FHOD3: variants seen among roughly 807,000 people sequenced by gnomAD.
FHOD3 encodes the protein formin homology 2 domain containing 3.
A neutral mutation model predicts 173.0 loss-of-function variants in FHOD3; 90 were observed. The ratio of observed to expected loss-of-function variants is 0.52; its 90% CI spans 0.44 to 0.62. FHOD3 has a LOEUF of 0.62. Among genes scored for constraint, FHOD3 ranks in the 20% least tolerant of loss-of-function variants. The pLI is 0.00. For missense variants in FHOD3, 1,945 were observed against 2,034.7 expected (o/e 0.96, Z 0.85); for synonymous variants, 828 against 823.0 (o/e 1.01, Z -0.10).
chr18:36,372,618 C>T, intron 2 of FHOD3, 62 bp from the exon 3 acceptor site: 1 of 1,415,942 alleles, frequency 7.1e-7, no homozygotes, highest in Non-Finnish European at 9.9e-7. Context: ...CGTGGATTGA[C>T]AGCATGTGAG....
At chr18:36,755,537 G>A (rs1048466651) in intron 25 of FHOD3, among the ~76,000 whole-genome samples, 2 of 151,472 alleles carry the variant, frequency 1.3e-5, no homozygotes, top group African/African-American at 4.9e-5. Context: ...CAGAACGTGT[G>A]GCTAGAAGAG....
intron 3 of FHOD3, among the ~76,000 whole-genome samples, chr18:36,409,928 A>T (rs936243704): frequency 5.3e-5 from 8 of 152,200 alleles, no homozygotes; most frequent in African/African-American, 1.9e-4. Flanking sequence ...ATGAGAGGAG[A>T]TGATCAGAAG....
intron 1 of FHOD3, among the ~76,000 whole-genome samples, chr18:36,344,915 A>G (rs2045808184): frequency 6.6e-6 from 1 of 152,236 alleles, no homozygotes; most frequent in African/African-American, 2.4e-5. Context: ...TTCAGGCAGG[A>G]AATATTACTA....
At chr18:36,614,899 G>A (rs1245742419) in intron 9 of FHOD3, among the ~76,000 whole-genome samples, 1 of 126,314 alleles carries the variant, frequency 7.9e-6, no homozygotes, top group African/African-American at 3.1e-5. Context: ...TGCCCAGACT[G>A]GAGTGCAATG....
intron 5 of FHOD3, among the ~76,000 whole-genome samples, chr18:36,562,831 A>T (rs1306271631): frequency 6.6e-6 from 1 of 152,214 alleles, no homozygotes; most frequent in African/African-American, 2.4e-5. Context: ...ACCAACACCA[A>T]TGCCAGGTCT....
At chr18:36,645,297 G>A (rs1483832361) in intron 10 of FHOD3, among the ~76,000 whole-genome samples, 1 of 152,164 alleles carries the variant, frequency 6.6e-6, no homozygotes, top group African/African-American at 2.4e-5. Flanking sequence ...GCATATGCCT[G>A]TAGTCCCAGC....
At chr18:36,569,552 A>G (rs1394440389) in intron 5 of FHOD3, among the ~76,000 whole-genome samples, 1 of 152,194 alleles carries the variant, frequency 6.6e-6, no homozygotes, top group Non-Finnish European at 1.5e-5. Context: ...CAGCAAGGCT[A>G]TGAAGGAACT....
chr18:36,595,992 A>G (rs1019000646), intron 7 of FHOD3, among the ~76,000 whole-genome samples: 1 of 152,220 alleles, frequency 6.6e-6, no homozygotes, highest in African/African-American at 2.4e-5. Context: ...AGTTTCAACA[A>G]AGATAATCAC....
rs551855631 is a variant in FHOD3, at chr18:36,732,637, A to AG, written c.3576+1833_3576+1834insG. 2.3e-3 allele frequency among the ~76,000 whole-genome samples: 357 copies of AG among 152,332 alleles called. 1 individual carries two copies. The highest frequency in any genetic ancestry group is 0.02 in the Middle Eastern group (6 of 294). ...CAGCCTATCGAAAGAGTGAGGGCAC[A>AG]CGGCAGACCGGAGCAGGGGACATGA... is the stretch of plus-strand genomic sequence containing the variant. On this transcript the variant is annotated intron_variant, in intron 20 of 28. Coordinates refer to ENST00000590592, the MANE Select transcript of FHOD3 (RefSeq NM_001281740.3).
At position 36,649,378 on chromosome 18, in the gene FHOD3, A is replaced by T. The variant is rs749298152; in HGVS notation, c.1259A>T (p.Asp420Val). Residue 420 changes from aspartate to valine, a missense_variant, in exon 11 of 29, where the codon GAT becomes GTT. Asp to Val is a radical substitution (Grantham distance 152). Around this residue, in one of 5 missense-constraint regions of FHOD3, gnomAD observed 1,099 missense variants for 1,051.2 expected, o/e 1.05. Coordinates refer to ENST00000590592, the MANE Select transcript of FHOD3 (RefSeq NM_001281740.3). ...TEPSSEEEREDDASCQGKDSK... is the reference protein window; with the variant it reads ...TEPSSEEEREVDASCQGKDSK... ...CCCAGTTCCGAAGAAGAGAGAGAGG[A>T]TGATGCTTCCTGTCAGGGCAAGGAC... is the stretch of plus-strand genomic sequence containing the variant. The T allele has an allele frequency of 3.3e-6, 5 of 1,535,556 alleles. No individual in the cohort carries two copies. The highest frequency in any genetic ancestry group is 1.4e-5 in the African/African-American group (1 of 72,968).
At chr18:36,325,303 C>T (rs950767453) in intron 1 of FHOD3, among the ~76,000 whole-genome samples, 6 of 151,872 alleles carry the variant, frequency 4.0e-5, no homozygotes, top group Admixed American at 6.6e-5. Context: ...GCTTTCTACA[C>T]GTGTTATACT....
rs35854743 is a variant in FHOD3, at chr18:36,427,286, TAAAAAAAAAAAAAA to T, written c.337+54556_337+54569del. Among the ~76,000 whole-genome samples, 24 of 79,488 alleles carry T rather than the reference TAAAAAAAAAAAAAA, an allele frequency of 3.0e-4. No individual in the cohort carries two copies. The Admixed American group carries it at 3.3e-3, about 11-fold the overall frequency. The allele number at this position is 79,488 out of a possible 152,430, so 52.1% of individuals were successfully genotyped here. ...AAAACTAGAACTGATCTTGCTTCTC[TAAAAAAAAAAAAAA>T]AAAAAAAAAAAAATCCTTCTTGGTT... is the stretch of plus-strand genomic sequence containing the variant. On this transcript the variant is annotated intron_variant, in intron 3 of 28. Transcript: ENST00000590592.
chr18:36,530,474 T>C (rs1465654109), intron 5 of FHOD3, among the ~76,000 whole-genome samples: 1 of 152,162 alleles, frequency 6.6e-6, no homozygotes, highest in Non-Finnish European at 1.5e-5. Flanking sequence ...GGACTTGTGT[T>C]TGTGAGTGAT....
At chr18:36,364,129 CT>C (rs1164181683) in intron 2 of FHOD3, among the ~76,000 whole-genome samples, 2 of 152,146 alleles carry the variant, frequency 1.3e-5, no homozygotes, top group African/African-American at 4.8e-5. Context: ...GCCCCACACC[CT>C]TGTCATATCA....
At chr18:36,405,294 A>C (rs2049004870) in intron 3 of FHOD3, among the ~76,000 whole-genome samples, 1 of 152,222 alleles carries the variant, frequency 6.6e-6, no homozygotes, top group South Asian at 2.1e-4. Context: ...TGGGTTATTA[A>C]ATGGAAATGT....
intron 5 of FHOD3, among the ~76,000 whole-genome samples, chr18:36,575,624 C>T (rs900240910): frequency 6.6e-6 from 1 of 152,158 alleles, no homozygotes; most frequent in African/African-American, 2.4e-5. Flanking sequence ...AATGCCCTGA[C>T]AATTAGTTAT....
chr18:36,334,617 A>T (rs188255428), intron 1 of FHOD3, among the ~76,000 whole-genome samples: 1 of 152,172 alleles, frequency 6.6e-6, no homozygotes, highest in Non-Finnish European at 1.5e-5. Flanking sequence ...GCTGAGCTCA[A>T]TCTTGATTCG....
At chr18:36,535,767 AATT>A (rs1252476172) in intron 5 of FHOD3, among the ~76,000 whole-genome samples, 5 of 152,204 alleles carry the variant, frequency 3.3e-5, no homozygotes, top group Non-Finnish European at 5.9e-5. Flanking sequence ...TGTATTTAAT[AATT>A]CAATAAATTT....
At chr18:36,459,920 C>T (rs184336525) in intron 3 of FHOD3, among the ~76,000 whole-genome samples, 87 of 152,076 alleles carry the variant, frequency 5.7e-4, no homozygotes, top group African/African-American at 1.9e-3. Context: ...TGAGTTGTCA[C>T]GCCTCCTTAG....
Sources: gnomAD v4.1 joint callset for allele counts (sites outside exome capture counted in the v4.1 genomes callset) on GRCh38, gnomAD v4.1.1 for gene constraint, gnomAD v4.1.1 regional missense constraint, MANE v1.5 for transcripts, NCBI Gene and HGNC (gene_info 2026-07-23, HGNC 2026-07-21) for gene names.